Variants in ZNF385D observed in about 807,000 individuals in gnomAD.
ZNF385D encodes the protein zinc finger protein 385D.
ZNF385D carries 15 observed loss-of-function variants against 35.8 expected under a neutral mutation model. The observed-to-expected ratio is 0.42, with a 90% CI of 0.28 to 0.64. ZNF385D has a LOEUF of 0.64. ZNF385D is among the 30% of genes least tolerant of loss of function. The pLI is 0.23. For synonymous variants in ZNF385D, 212 were observed against 186.8 expected (o/e 1.13, Z -1.10); for missense variants, 474 against 494.6 (o/e 0.96, Z 0.39).
chr3:21,907,451 T>C (rs1017751586), intron 3 of ZNF385D, among the ~76,000 whole-genome samples: 7 of 152,142 alleles, frequency 4.6e-5, no homozygotes, highest in Admixed American at 2.0e-4. Context: ...TTTTAATAGG[T>C]AAACTGCATT....
intron 2 of ZNF385D, among the ~76,000 whole-genome samples, chr3:22,252,530 C>T (rs1179410392): frequency 6.6e-6 from 1 of 152,000 alleles, no homozygotes; most frequent in Non-Finnish European, 1.5e-5. Flanking sequence ...AAGAAAACTA[C>T]TACTGTCAAA....
chr3:21,640,115 A>G (rs2065559786), intron 2 of ZNF385D, among the ~76,000 whole-genome samples: 1 of 151,766 alleles, frequency 6.6e-6, no homozygotes, highest in African/African-American at 2.4e-5. Flanking sequence ...TTCTTTTCCA[A>G]GTCTTTGAGA....
intron 3 of ZNF385D, among the ~76,000 whole-genome samples, chr3:22,060,284 C>A (rs576582770): frequency 3.7e-4 from 57 of 152,242 alleles, no homozygotes; most frequent in African/African-American, 1.3e-3. Context: ...TACTGTGTAT[C>A]TCTGTATACC....
intron 3 of ZNF385D, among the ~76,000 whole-genome samples, chr3:22,107,199 T>C (rs980106783): frequency 6.6e-6 from 1 of 151,694 alleles, no homozygotes; most frequent in African/African-American, 2.4e-5. Flanking sequence ...AATTTTTTAT[T>C]CTTAATAGAG....
intron 2 of ZNF385D, among the ~76,000 whole-genome samples, chr3:22,201,528 AAAAG>A (rs1559448540): frequency 6.6e-6 from 1 of 152,208 alleles, no homozygotes; most frequent in East Asian, 1.9e-4. Flanking sequence ...GATACAGAAA[AAAAG>A]AAAGAAGTTA....
At chr3:21,492,364 C>T (rs1301894045) in intron 4 of ZNF385D, among the ~76,000 whole-genome samples, 3 of 148,628 alleles carry the variant, frequency 2.0e-5, no homozygotes, top group Admixed American at 6.8e-5. Context: ...GTTTGCTTTA[C>T]GGATTCTAAA....
Position 22,137,796 on chromosome 3 carries a change from T to C in ZNF385D, c.325+31021A>G, listed in dbSNP as rs967797318. Among the ~76,000 whole-genome samples the C allele has an allele frequency of 4.3e-4, 66 of 152,042 alleles. 1 individual carries two copies. The highest frequency in any genetic ancestry group is 1.5e-3 in the South Asian group (7 of 4,802). ...GCCCTCTCTCACCACTCCTATTCAA[T>C]ATAGTGTTGGAAGCTCTGGCCAGGG... On this transcript the variant is annotated intron_variant, in intron 3 of 5. Transcript: ENST00000494108.
At chr3:21,830,416 T>G (rs1694915544) in intron 3 of ZNF385D, among the ~76,000 whole-genome samples, 1 of 152,218 alleles carries the variant, frequency 6.6e-6, no homozygotes, top group Admixed American at 6.5e-5. Context: ...TAGACATGCA[T>G]AGATTTATAT....
intron 1 of ZNF385D, among the ~76,000 whole-genome samples, chr3:21,747,185 C>G (rs1036754281): frequency 6.6e-6 from 1 of 152,134 alleles, no homozygotes; most frequent in Non-Finnish European, 1.5e-5. Flanking sequence ...CAACTAACAC[C>G]AAGGCGAACT....
At chr3:21,666,315 T>A (rs1397653161) in intron 1 of ZNF385D, among the ~76,000 whole-genome samples, 1 of 152,170 alleles carries the variant, frequency 6.6e-6, no homozygotes, top group Non-Finnish European at 1.5e-5. Flanking sequence ...ACAGAAGCCA[T>A]CAGCACAGGA....
chr3:22,183,507 A>G (rs1474024368), intron 2 of ZNF385D, among the ~76,000 whole-genome samples: 1 of 151,294 alleles, frequency 6.6e-6, no homozygotes, highest in African/African-American at 2.4e-5. Flanking sequence ...ACAGGCACAC[A>G]CCACCATGCC....
Position 21,887,598 on chromosome 3 carries a change from T to C in ZNF385D, c.326-222570A>G, listed in dbSNP as rs558140247. 2.6e-5 allele frequency among the ~76,000 whole-genome samples: 4 copies of C among 152,202 alleles called. No individual in the cohort carries two copies. The East Asian group carries it at 7.7e-4, about 29-fold the overall frequency. On this transcript the variant is annotated intron_variant, in intron 3 of 5. Coordinates refer to the ZNF385D transcript ENST00000494108. ...TATATGGAATTTGCTCTCATGGAAA[T>C]TGTTTAGGAGAAAAATCGTGTGATA...
intron 4 of ZNF385D, among the ~76,000 whole-genome samples, chr3:21,454,557 T>C (rs58827109): frequency 0.073 from 11,088 of 152,192 alleles, 539 homozygotes; most frequent in East Asian, 0.15. Flanking sequence ...TTGAGTTTCC[T>C]CTCAATAAAT....
chr3:22,058,028 A>G (rs1404567092), intron 3 of ZNF385D, among the ~76,000 whole-genome samples: 1 of 152,226 alleles, frequency 6.6e-6, no homozygotes, highest in East Asian at 1.9e-4. Context: ...GAATGAATAC[A>G]TCACAACCAA....
At chr3:21,922,677 T>C (rs1376146170) in intron 3 of ZNF385D, among the ~76,000 whole-genome samples, 7 of 152,082 alleles carry the variant, frequency 4.6e-5, no homozygotes, top group Non-Finnish European at 1.0e-4. Flanking sequence ...CCTCAAACCA[T>C]AAGAATCCGA....
chr3:22,190,978 A>G (rs540099050), intron 2 of ZNF385D, among the ~76,000 whole-genome samples: 2 of 152,264 alleles, frequency 1.3e-5, no homozygotes, highest in East Asian at 3.9e-4. Flanking sequence ...TCTCCCTTAA[A>G]TTACATGGCT....
At chr3:21,543,058 ATT>A (rs2062233560) in intron 3 of ZNF385D, 1 of 152,520 alleles carries the variant, frequency 6.6e-6, no homozygotes, top group African/African-American at 2.4e-5. Context: ...GATGCCTGTA[ATT>A]CCAGCACTTT....
chr3:22,032,673 A>G (rs1055225337), intron 3 of ZNF385D, among the ~76,000 whole-genome samples: 1 of 152,164 alleles, frequency 6.6e-6, no homozygotes, highest in African/African-American at 2.4e-5. Flanking sequence ...GACAAGTACT[A>G]AACAATTAAA....
At chr3:22,329,612 C>T (rs887701141) in intron 2 of ZNF385D, among the ~76,000 whole-genome samples, 3 of 152,146 alleles carry the variant, frequency 2.0e-5, no homozygotes, top group African/African-American at 7.2e-5. Flanking sequence ...GGCTCTTTAA[C>T]TACCTCTTCT....
Sources: gnomAD v4.1 joint callset for allele counts (sites outside exome capture counted in the v4.1 genomes callset) on GRCh38, gnomAD v4.1.1 for gene constraint, MANE v1.5 for transcripts, NCBI Gene and HGNC (gene_info 2026-07-23, HGNC 2026-07-21) for gene names.